The following UNC5D variants were observed in gnomAD, a reference collection of about 807,000 sequenced individuals.
The protein encoded by UNC5D is netrin receptor UNC5D.
UNC5D carries 39 observed loss-of-function variants against 105.4 expected under a neutral mutation model. The ratio of observed to expected loss-of-function variants is 0.37; its 90% CI spans 0.29 to 0.48. UNC5D has a LOEUF of 0.48. Ranked by LOEUF, UNC5D falls within the 20% of genes least tolerant of loss-of-function variation. UNC5D has a pLI of 0.98. For missense variants in UNC5D, 991 were observed against 1,202.4 expected (o/e 0.82, Z 2.60); for synonymous variants, 452 against 450.4 (o/e 1.00, Z -0.04).
intron 4 of UNC5D, among the ~76,000 whole-genome samples, chr8:35,674,945 G>T (rs1825105532): frequency 6.6e-6 from 1 of 152,116 alleles, no homozygotes; most frequent in Admixed American, 6.5e-5. Flanking sequence ...TAGCCTTCCA[G>T]CTTTTCCCTG....
chr8:35,346,783 A>G (rs1448938136), intron 1 of UNC5D, among the ~76,000 whole-genome samples: 3 of 151,982 alleles, frequency 2.0e-5, no homozygotes, highest in Admixed American at 6.6e-5. Context: ...TCTCATTGTT[A>G]GAATTATTAC....
At chr8:35,650,516 G>A (rs1386245985) in intron 4 of UNC5D, among the ~76,000 whole-genome samples, 2 of 152,146 alleles carry the variant, frequency 1.3e-5, no homozygotes, top group Admixed American at 1.3e-4. Context: ...CACCCAGGCT[G>A]GAGTGCAATG....
intron 2 of UNC5D, among the ~76,000 whole-genome samples, chr8:35,555,882 C>T (rs1379495961): frequency 1.5e-4 from 6 of 41,280 alleles, no homozygotes; most frequent in Non-Finnish European, 2.2e-4. Flanking sequence ...ACAGCACACA[C>T]ACACACACAC....
intron 4 of UNC5D, among the ~76,000 whole-genome samples, chr8:35,606,720 A>G (rs1382576487): frequency 1.3e-5 from 2 of 152,222 alleles, no homozygotes; most frequent in Admixed American, 1.3e-4. Context: ...GAGAAGAATA[A>G]AGGATGTGCA....
intron 1 of UNC5D, among the ~76,000 whole-genome samples, chr8:35,340,352 T>C (rs1377284998): frequency 6.6e-6 from 1 of 152,178 alleles, no homozygotes; most frequent in African/African-American, 2.4e-5. Flanking sequence ...TGTAAGCTGT[T>C]GAGGGCCAGA....
chr8:35,506,134 A>G (rs1422737779), intron 1 of UNC5D, among the ~76,000 whole-genome samples: 2 of 152,172 alleles, frequency 1.3e-5, no homozygotes, highest in East Asian at 3.8e-4. Flanking sequence ...TTCAGTGAGG[A>G]TATTAGAAAC....
chr8:35,255,824 C>G (rs1804040409), intron 1 of UNC5D: 1 of 152,106 alleles, frequency 6.6e-6, no homozygotes, highest in East Asian at 1.9e-4. Flanking sequence ...TTTTCATAGG[C>G]AAATTAATTA....
chr8:35,392,645 C>T (rs960775883), intron 1 of UNC5D, among the ~76,000 whole-genome samples: 2 of 152,188 alleles, frequency 1.3e-5, no homozygotes, highest in Non-Finnish European at 2.9e-5. Flanking sequence ...CTAAGATACT[C>T]TACCCATTAC....
intron 4 of UNC5D, among the ~76,000 whole-genome samples, chr8:35,610,285 T>C (rs1018335908): frequency 3.9e-5 from 6 of 152,146 alleles, no homozygotes; most frequent in South Asian, 2.1e-4. Context: ...TTGTTTTTCA[T>C]TGGACCAAGC....
chr8:35,236,705 A>G (rs1164934852), intron 1 of UNC5D, among the ~76,000 whole-genome samples: 1 of 152,210 alleles, frequency 6.6e-6, no homozygotes, highest in Admixed American at 6.5e-5. Context: ...ACCTTGAGCG[A>G]GGACAGGCAG....
At chr8:35,659,955 T>C (rs1824011857) in intron 4 of UNC5D, among the ~76,000 whole-genome samples, 1 of 152,190 alleles carries the variant, frequency 6.6e-6, no homozygotes, top group African/African-American at 2.4e-5. Context: ...CTGGCATGAA[T>C]GAAGAAAACC....
chr8:35,787,973 A>G (rs906742574), intron 16 of UNC5D, among the ~76,000 whole-genome samples: 4 of 152,184 alleles, frequency 2.6e-5, no homozygotes, highest in Non-Finnish European at 5.9e-5. Context: ...TAGTATAGCA[A>G]TGAATAACCA....
intron 1 of UNC5D, among the ~76,000 whole-genome samples, chr8:35,538,348 G>C (rs1374878256): frequency 6.9e-6 from 1 of 144,318 alleles, no homozygotes; most frequent in Non-Finnish European, 1.5e-5. Flanking sequence ...TAAATACAGG[G>C]CCCACGTCAT....
intron 2 of UNC5D, among the ~76,000 whole-genome samples, chr8:35,565,270 T>C (rs1490037979): frequency 6.6e-6 from 1 of 152,232 alleles, no homozygotes. Context: ...GACTTTTTAA[T>C]AATGGTCATT....
In UNC5D at chr8:35,467,099, T is replaced by C. The variant is rs151244174; in HGVS notation, c.104-82193T>C. ...AATTAGTGGGTGAAAACATTTGTGA[T>C]ACCTTGTGACGCTTTCTCAGACAAG... On this transcript the variant is annotated intron_variant, in intron 1 of 16. Coordinates refer to ENST00000404895, the MANE Select transcript of UNC5D (RefSeq NM_080872.4). 5.5e-3 allele frequency among the ~76,000 whole-genome samples: 831 copies of C among 152,324 alleles called. 9 individuals carry two copies. The highest frequency in any genetic ancestry group is 0.019 in the African/African-American group (777 of 41,588).
chr8:35,727,417 G>A (rs1828935080), intron 10 of UNC5D: 1 of 152,158 alleles, frequency 6.6e-6, no homozygotes, highest in Non-Finnish European at 1.5e-5. Context: ...CTAGACAGAT[G>A]TCTCTCTAGG....
intron 1 of UNC5D, among the ~76,000 whole-genome samples, chr8:35,442,900 T>A (rs1379438181): frequency 3.7e-5 from 5 of 135,138 alleles, no homozygotes; most frequent in African/African-American, 1.5e-4. Context: ...TCTCTCTCTC[T>A]CTCTCACACA....
At chr8:35,718,956 C>T (rs150728222) in intron 8 of UNC5D, among the ~76,000 whole-genome samples, 282 of 152,064 alleles carry the variant, frequency 1.9e-3, no homozygotes, top group South Asian at 2.7e-3. Flanking sequence ...AAAGGCTGAG[C>T]GCAGGAATGG....
intron 1 of UNC5D, among the ~76,000 whole-genome samples, chr8:35,470,283 G>A (rs1809608162): frequency 6.6e-6 from 1 of 152,030 alleles, no homozygotes; most frequent in African/African-American, 2.4e-5. Flanking sequence ...TTTTAAATAT[G>A]GTTTTGAGGC....
Sources: gnomAD v4.1 joint callset for allele counts (sites outside exome capture counted in the v4.1 genomes callset) on GRCh38, gnomAD v4.1.1 for gene constraint, MANE v1.5 for transcripts, NCBI Gene and HGNC (gene_info 2026-07-23, HGNC 2026-07-21) for gene names.